Variants in TBX5 observed in about 807,000 individuals in gnomAD.
The protein encoded by TBX5 is T-box transcription factor 5.
A neutral mutation model predicts 51.1 loss-of-function variants in TBX5; 8 were observed. The ratio of observed to expected loss-of-function variants is 0.16; its 90% CI spans 0.09 to 0.28. The LOEUF is 0.28. Ranked by LOEUF, TBX5 falls within the 10% of genes least tolerant of loss-of-function variation. The pLI, the probability that TBX5 is intolerant of heterozygous loss-of-function variation, is 1.00. For missense variants in TBX5, 589 were observed against 671.7 expected (o/e 0.88, Z 1.36); for synonymous variants, 302 against 266.4 (o/e 1.13, Z -1.30).
At chr12:114,372,815 C>T (rs920914662) in intron 7 of TBX5, among the ~76,000 whole-genome samples, 1 of 152,022 alleles carries the variant, frequency 6.6e-6, no homozygotes, top group Non-Finnish European at 1.5e-5. Context: ...GTGAATGTGC[C>T]TTCCTTCAGT....
chr12:114,398,478 G>A (rs971086552), intron 5 of TBX5, 95 bp downstream of exon 5: 15 of 1,513,186 alleles, frequency 9.9e-6, no homozygotes, highest in Admixed American at 1.9e-5. Context: ...GAGAAATGTA[G>A]GCACACAGAG....
At chr12:114,376,657 T>A (rs546749364) in intron 7 of TBX5, among the ~76,000 whole-genome samples, 1 of 150,366 alleles carries the variant, frequency 6.7e-6, no homozygotes, top group East Asian at 1.9e-4. Flanking sequence ...TATTTATATA[T>A]ATATATTAAA....
At chr12:114,373,573 C>T (rs1489326111) in intron 7 of TBX5, among the ~76,000 whole-genome samples, 2 of 152,196 alleles carry the variant, frequency 1.3e-5, no homozygotes, top group Admixed American at 6.5e-5. Context: ...ATTCTCCTGC[C>T]TCAGCCTCCC....
At position 114,359,117 on chromosome 12, in the gene TBX5, G is replaced by A. The variant is rs572249858; in HGVS notation, c.983-3011C>T. 5.9e-5 allele frequency among the ~76,000 whole-genome samples: 9 copies of A among 152,230 alleles called. No individual in the cohort carries two copies. In the South Asian group the frequency reaches 8.3e-4, roughly 14 times the overall value. ...AAGGAAGAATAATAAGAAAACGGCC[G>A]GAACACATTTTGGAAAATCGTAAAA... is the stretch of plus-strand genomic sequence containing the variant. On this transcript the variant is annotated intron_variant, in intron 8 of 8. Transcript: ENST00000405440.
At chr12:114,407,846 A>G (rs750120924), upstream of TBX5, 18 of 985,338 alleles carry the variant, frequency 1.8e-5, no homozygotes, top group Non-Finnish European at 2.2e-5. Flanking sequence ...TTGGAGCGCA[A>G]AAGCCAGGAG....
chr12:114,360,278 G>A (rs536503787), intron 8 of TBX5, among the ~76,000 whole-genome samples: 2 of 150,780 alleles, frequency 1.3e-5, no homozygotes, highest in South Asian at 2.1e-4. Context: ...TCCATTTCAC[G>A]CAACCCTACA....
intron 8 of TBX5, among the ~76,000 whole-genome samples, chr12:114,356,643 G>C (rs779469550): frequency 3.1e-4 from 47 of 152,250 alleles, no homozygotes; most frequent in Middle Eastern, 3.4e-3. Context: ...GACATTTTCT[G>C]CCTTATCCAT....
At chr12:114,358,903 A>T (rs1869074858) in intron 8 of TBX5, among the ~76,000 whole-genome samples, 1 of 151,992 alleles carries the variant, frequency 6.6e-6, no homozygotes, top group Non-Finnish European at 1.5e-5. Context: ...CTTCCCCCAG[A>T]TTCATAAACC....
chr12:114,406,279 C>T (rs952249325), upstream of TBX5, among the ~76,000 whole-genome samples: 1 of 144,588 alleles, frequency 6.9e-6, no homozygotes, highest in Non-Finnish European at 1.5e-5. Flanking sequence ...CACAATACGA[C>T]TCTCAACACA....
At chr12:114,408,147 G>T (rs1448001881), upstream of TBX5, 10 of 985,408 alleles carry the variant, frequency 1.0e-5, no homozygotes, top group Non-Finnish European at 1.2e-5. Flanking sequence ...ACGTTTGGCT[G>T]GGGGGCAGCG....
chr12:114,358,289 C>T (rs1471208238), intron 8 of TBX5, among the ~76,000 whole-genome samples: 3 of 152,212 alleles, frequency 2.0e-5, no homozygotes, highest in Non-Finnish European at 4.4e-5. Context: ...GGTGCATGTC[C>T]TCAATCCCAG....
intron 7 of TBX5, among the ~76,000 whole-genome samples, chr12:114,369,821 A>G (rs77915539): frequency 0.019 from 2,772 of 146,736 alleles, 73 homozygotes; most frequent in African/African-American, 0.065. Context: ...AATCATCATC[A>G]TCATCATTCT....
At chr12:114,365,168 A>ATGTGTG (rs10536626) in intron 8 of TBX5, among the ~76,000 whole-genome samples, 23 of 147,482 alleles carry the variant, frequency 1.6e-4, no homozygotes, top group African/African-American at 5.0e-4. Flanking sequence ...ATCATTTGTG[A>ATGTGTG]TGTGTGTGTG....
upstream of TBX5, chr12:114,406,176 C>A: frequency 4.1e-6 from 1 of 241,544 alleles, no homozygotes; most frequent in Non-Finnish European, 6.7e-6. Context: ...TCCCACTGCA[C>A]TCTGTCGCCC....
chr12:114,403,923 C>A lies in TBX5; in HGVS notation c.-25G>T, dbSNP rs748222016. ...TGGTGCGCCCAGGGCCCTGTGCCCGCGCAAGGTTCTGCTCTGAGGACAAGA... is the reference window on the plus strand; with the variant it reads ...TGGTGCGCCCAGGGCCCTGTGCCCGAGCAAGGTTCTGCTCTGAGGACAAGA... On this transcript the variant is annotated 5_prime_UTR_variant, in exon 2 of 9. Transcript: ENST00000405440. The A allele has an allele frequency of 1.2e-6, 2 of 1,607,194 alleles. No homozygotes were observed. The highest frequency in any genetic ancestry group is 2.2e-5 in the South Asian group (2 of 90,810).
At chr12:114,356,671 C>G (rs1032274982) in intron 8 of TBX5, among the ~76,000 whole-genome samples, 6 of 152,164 alleles carry the variant, frequency 3.9e-5, no homozygotes, top group African/African-American at 9.7e-5. Context: ...TTCCCAGAAC[C>G]TAGTAAACAC....
At chr12:114,356,245 A>G in intron 8 of TBX5, 139 bp from the exon 9 acceptor site, 1 of 860,122 alleles carries the variant, frequency 1.2e-6, no homozygotes, top group Non-Finnish European at 1.9e-6. Context: ...AATACAAAAA[A>G]AGGGGGTTGG....
At chr12:114,402,703 G>T (rs149864048) in intron 2 of TBX5, among the ~76,000 whole-genome samples, 1 of 151,722 alleles carries the variant, frequency 6.6e-6, no homozygotes. Flanking sequence ...CGATGCAAAT[G>T]TATATATATA....
upstream of TBX5, among the ~76,000 whole-genome samples, chr12:114,406,543 A>G (rs571537754): frequency 2.2e-3 from 333 of 151,052 alleles, 1 homozygote; most frequent in Non-Finnish European, 3.7e-3. Flanking sequence ...GAGCTGCCTG[A>G]CCCCGCCTGG....
Sources: allele counts gnomAD v4.1 joint callset (sites outside exome capture counted in the v4.1 genomes callset), GRCh38; gene constraint gnomAD v4.1.1; transcripts MANE v1.5; gene names NCBI Gene and HGNC (gene_info 2026-07-23, HGNC 2026-07-21).